Variants in AHCTF1 observed in about 807,000 individuals in gnomAD.
AHCTF1 encodes AT-hook containing transcription factor 1, also known as protein ELYS.
Under a neutral mutation model 248.4 loss-of-function variants are expected in AHCTF1, and 24 were observed. The ratio of observed to expected loss-of-function variants is 0.10; its 90% CI spans 0.07 to 0.14. The LOEUF (loss-of-function observed/expected upper bound fraction) is 0.14. Among genes scored for constraint, AHCTF1 ranks in the 10% least tolerant of loss-of-function variants. The pLI, the probability that AHCTF1 is intolerant of heterozygous loss-of-function variation, is 1.00. For synonymous variants in AHCTF1, 786 were observed against 929.8 expected, an observed-to-expected ratio of 0.85 and a Z score of 2.81; for missense variants, 2,206 against 2,636.2, an observed-to-expected ratio of 0.84 and a Z score of 3.57.
In AHCTF1 at chr1:246,863,895, T is replaced by C. The variant is rs146607238; in HGVS notation, c.3540+29A>G. Reference sequence around the variant, plus strand: ...GAAAAGTAAGAGCCATCTAGTTTGATTGTGAACGCTAGATGCGTAAATACT... The same window carrying C: ...GAAAAGTAAGAGCCATCTAGTTTGACTGTGAACGCTAGATGCGTAAATACT... On this transcript the variant is annotated intron_variant, in intron 27 of 35. Transcript: ENST00000648844. 1,306 of 1,603,544 alleles carry C rather than the reference T, an allele frequency of 8.1e-4. 5 individuals carry two copies. The African/African-American group carries it at 0.012, about 15-fold the overall frequency.
chr1:246,909,856 A>G (rs1291904329), intron 4 of AHCTF1, among the ~76,000 whole-genome samples: 1 of 152,160 alleles, frequency 6.6e-6, no homozygotes, highest in African/African-American at 2.4e-5. Flanking sequence ...ATTAGTCTCT[A>G]ACTACTAGTA....
chr1:246,887,437 A>C, intron 19 of AHCTF1, 80 bp from the exon 20 acceptor site: 4 of 1,376,012 alleles, frequency 2.9e-6, no homozygotes, highest in Non-Finnish European at 3.0e-6. Context: ...GTAGCAACAA[A>C]ATGTAGCATT....
chr1:246,900,370 C>T lies in AHCTF1; in HGVS notation c.1217G>A (p.Arg406His), dbSNP rs1362158688. 3.8e-6 allele frequency: 6 copies of T among 1,593,444 alleles called. No individual in the cohort carries two copies. The highest frequency in any genetic ancestry group is 2.2e-5 in the East Asian group (1 of 44,750). Residue 406 changes from arginine (R) to histidine (H), a missense_variant, in exon 9 of 36, where the codon CGT becomes CAT. This residue lies in a region of AHCTF1 where 650 missense variants were observed against 870.8 expected (regional missense o/e 0.75). Coordinates refer to ENST00000648844, the MANE Select transcript of AHCTF1 (RefSeq NM_001323342.2). ...SVYLGLFDIN[R>H]WYHAQMPDSL... ...ATCTGGCATTTGTGCATGATACCAA[C>T]GATTTATATCAAAAAGCCCCAAATA...
intron 24 of AHCTF1, 50 bp downstream of exon 24, chr1:246,875,983 TTCAG>T (rs1298300883): frequency 7.5e-6 from 11 of 1,467,000 alleles, no homozygotes; most frequent in East Asian, 2.4e-5. Context: ...AAAGTAATCA[TTCAG>T]TATCTTTTTT....
intron 23 of AHCTF1, 56 bp downstream of exon 23, chr1:246,876,894 A>C (rs1371813089): frequency 6.3e-7 from 1 of 1,586,608 alleles, no homozygotes; most frequent in East Asian, 2.2e-5. Flanking sequence ...CAACCAAAAA[A>C]GCCTCCAGTT....
chr1:246,899,393 C>T, intron 11 of AHCTF1, 58 bp downstream of exon 11: 2 of 1,366,054 alleles, frequency 1.5e-6, no homozygotes, highest in East Asian at 2.5e-5. Context: ...ATCCATAAAT[C>T]AACTATATTC....
Position 246,860,241 on chromosome 1 carries a change from C to T in AHCTF1, c.4132+658G>A, listed in dbSNP as rs143868238. ...CGAGATCACGCCACTGCACTCCAGC[C>T]TGGGCAACAGAGTGAGACTCTGTCT... On this transcript the variant is annotated intron_variant, in intron 29 of 35. Coordinates refer to ENST00000648844, the MANE Select transcript of AHCTF1 (RefSeq NM_001323342.2). Among the ~76,000 whole-genome samples the T allele has an allele frequency of 3.2e-3, 481 of 152,128 alleles. 2 individuals carry two copies. Among genetic ancestry groups the T allele is most frequent in the African/African-American group, 0.011 (437 of 41,498 alleles).
intron 26 of AHCTF1, 23 bp downstream of exon 26, chr1:246,867,221 A>C: frequency 7.4e-7 from 1 of 1,353,216 alleles, no homozygotes; most frequent in Non-Finnish European, 1.0e-6. Context: ...TGTGTCTCTA[A>C]GAATGATTTA....
intron 8 of AHCTF1, 38 bp downstream of exon 8, chr1:246,902,487 C>T: frequency 1.3e-6 from 2 of 1,560,870 alleles, no homozygotes; most frequent in South Asian, 1.2e-5. Context: ...ATTTTAAATC[C>T]AGCCTTCACA....
At chr1:246,904,105 TTAGTTTGC>T in intron 6 of AHCTF1, 72 bp from the exon 7 acceptor site, 1 of 1,341,050 alleles carries the variant, frequency 7.5e-7, no homozygotes. Context: ...CCAAGTAAGT[TTAGTTTGC>T]TTGCAATGTT....
At chr1:246,930,051 CA>C (rs201449234) in intron 1 of AHCTF1, among the ~76,000 whole-genome samples, 4,199 of 113,748 alleles carry the variant, frequency 0.037, 160 homozygotes, top group African/African-American at 0.1. Context: ...GACCCCGTCT[CA>C]AAAAAAAAAA....
At chr1:246,859,686 C>T (rs757377288) in intron 29 of AHCTF1, among the ~76,000 whole-genome samples, 1 of 152,140 alleles carries the variant, frequency 6.6e-6, no homozygotes, top group Non-Finnish European at 1.5e-5. Flanking sequence ...AGCGATCCTC[C>T]CCTCTCAGTG....
In AHCTF1 at chr1:246,885,633, T is replaced by C; in HGVS notation, c.2520A>G (p.Ser840=). The C allele has an allele frequency of 6.2e-7, 1 of 1,612,866 alleles. No individual in the cohort carries two copies. The highest frequency in any genetic ancestry group is 8.5e-7 in the Non-Finnish European group (1 of 1,179,296). The change falls in exon 21 of 36, where the codon TCA becomes TCG. Residue 840 remains serine (S), a synonymous_variant. Transcript: ENST00000648844. The part of the protein sequence containing the change: ...LFHPATAKPL[S]WQHSKIIQAF... Reference sequence around the variant, plus strand: ...CCTGAATAATCTTTGAATGTTGCCATGACAAAGGTTTTGCAGTAGCTGGAT... The same window carrying C: ...CCTGAATAATCTTTGAATGTTGCCACGACAAAGGTTTTGCAGTAGCTGGAT...
At chr1:246,869,131 C>A (rs993047246) in intron 24 of AHCTF1, among the ~76,000 whole-genome samples, 27 of 151,962 alleles carry the variant, frequency 1.8e-4, no homozygotes, top group African/African-American at 6.5e-4. Context: ...GCGTGAGCCA[C>A]CACGCCCGGC....
At chr1:246,931,170 G>C (rs1667329142) in intron 1 of AHCTF1, 1 of 1,550,384 alleles carries the variant, frequency 6.5e-7, no homozygotes. Context: ...CGCCAACACA[G>C]GACAGGCTCA....
chr1:246,848,884 C>T (rs941672738), intron 33 of AHCTF1, among the ~76,000 whole-genome samples: 7 of 151,950 alleles, frequency 4.6e-5, no homozygotes, highest in African/African-American at 1.5e-4. Flanking sequence ...ATTTTGTTTA[C>T]CTAACCATTA....
Position 246,893,613 on chromosome 1 carries a change from C to A in AHCTF1, c.1804+1046G>T, listed in dbSNP as rs1473141566. Among the ~76,000 whole-genome samples the A allele has an allele frequency of 2.6e-5, 4 of 152,140 alleles. No individual in the cohort carries two copies. In the East Asian group the frequency reaches 5.8e-4, roughly 22 times the overall value. On this transcript the variant is annotated intron_variant, in intron 14 of 35. Coordinates refer to ENST00000648844, the MANE Select transcript of AHCTF1 (RefSeq NM_001323342.2). ...CGAAATGAACAACAGATTAATAAAA[C>A]TGTCAAGAAGGAAAATGATTTGCCA...
chr1:246,902,397 C>G, intron 8 of AHCTF1, 128 bp downstream of exon 8: 3 of 1,167,680 alleles, frequency 2.6e-6, no homozygotes, highest in Non-Finnish European at 3.7e-6. Flanking sequence ...TCATATAGAA[C>G]TGAATAAATT....
At chr1:246,908,550 T>C (rs1665557271) in intron 4 of AHCTF1, among the ~76,000 whole-genome samples, 1 of 151,902 alleles carries the variant, frequency 6.6e-6, no homozygotes, top group Non-Finnish European at 1.5e-5. Context: ...TGACAGAACA[T>C]AAAAATCATC....
Sources: gnomAD v4.1 joint callset for allele counts (sites outside exome capture counted in the v4.1 genomes callset) on GRCh38, gnomAD v4.1.1 for gene constraint, gnomAD v4.1.1 regional missense constraint, MANE v1.5 for transcripts, NCBI Gene and HGNC (gene_info 2026-07-23, HGNC 2026-07-21) for gene names.